The following COL24A1 variants were observed in gnomAD, a reference collection of about 807,000 sequenced individuals.
COL24A1 encodes collagen type XXIV alpha 1 chain, also known as collagen alpha-1(XXIV) chain.
COL24A1 carries 224 observed loss-of-function variants against 253.9 expected under a neutral mutation model. That is an observed-to-expected ratio of 0.88 (90% CI 0.79 to 0.99). The LOEUF (loss-of-function observed/expected upper bound fraction) is 0.99. Ranked by LOEUF, COL24A1 falls within the 50% of genes least tolerant of loss-of-function variation. COL24A1 has a pLI of 0.00. For synonymous variants in COL24A1, 685 were observed against 673.7 expected, an observed-to-expected ratio of 1.02 and a Z score of -0.26; for missense variants, 2,131 against 2,068.5, an observed-to-expected ratio of 1.03 and a Z score of -0.59.
chr1:86,078,308 C>A (rs1023357860), intron 7 of COL24A1, among the ~76,000 whole-genome samples: 2 of 152,178 alleles, frequency 1.3e-5, no homozygotes, highest in East Asian at 3.9e-4. Flanking sequence ...TATACCTTTT[C>A]ATAATAAAAG....
chr1:86,101,714 C>A (rs1208517573), intron 5 of COL24A1, among the ~76,000 whole-genome samples: 1 of 152,106 alleles, frequency 6.6e-6, no homozygotes, highest in Non-Finnish European at 1.5e-5. Context: ...TTGAAACAAC[C>A]TTGCATGGCA....
intron 57 of COL24A1, among the ~76,000 whole-genome samples, chr1:85,741,126 A>C (rs1469357278): frequency 6.6e-6 from 1 of 151,132 alleles, no homozygotes; most frequent in East Asian, 1.9e-4. Context: ...CTCAAAAAAA[A>C]AAAAAAGAAA....
At chr1:85,771,778 T>TTTTTTTTATTTA (rs375886924) in intron 53 of COL24A1, among the ~76,000 whole-genome samples, 1 of 146,578 alleles carries the variant, frequency 6.8e-6, no homozygotes, top group African/African-American at 2.5e-5. Context: ...TGCCTGACTT[T>TTTTTTTTATTTA]TTTATTTATT....
intron 45 of COL24A1, among the ~76,000 whole-genome samples, chr1:85,819,334 C>T (rs1673365958): frequency 6.6e-6 from 1 of 152,108 alleles, no homozygotes; most frequent in African/African-American, 2.4e-5. Context: ...TTTCAGTCAT[C>T]TTGAAATACT....
At chr1:85,812,032 T>G (rs574935988) in intron 47 of COL24A1, among the ~76,000 whole-genome samples, 8 of 152,336 alleles carry the variant, frequency 5.3e-5, no homozygotes, top group Admixed American at 5.2e-4. Context: ...ATTTACCATT[T>G]GGAATACAGC....
At position 85,823,707 on chromosome 1, in the gene COL24A1, G is replaced by T. The variant is rs760210285; in HGVS notation, c.3713C>A (p.Ala1238Asp). Residue 1238 changes from alanine (A) to aspartate (D), a missense_variant, in exon 44 of 60, where the codon GCC becomes GAC. Transcript: ENST00000370571. ...GHVGVPGLRG[A>D]TGQQGPPGEP... ...TACTGGGGGTCCTTGTTGTCCAGTG[G>T]CACCTCTTAGTCCTGGTACACCCAC... 2.5e-6 allele frequency: 4 copies of T among 1,613,722 alleles called. No individual in the cohort carries two copies. The highest frequency in any genetic ancestry group is 3.4e-6 in the Non-Finnish European group (4 of 1,179,814).
intron 28 of COL24A1, among the ~76,000 whole-genome samples, chr1:85,901,846 A>AAAAAGAACTACC (rs1684343000): frequency 1.3e-5 from 2 of 150,786 alleles, no homozygotes; most frequent in Non-Finnish European, 3.0e-5. Flanking sequence ...AAAAAAAAAA[A>AAAAAGAACTACC]AAAGAACTAC....
intron 3 of COL24A1, among the ~76,000 whole-genome samples, chr1:86,118,911 G>C (rs559699864): frequency 6.6e-6 from 1 of 152,214 alleles, no homozygotes; most frequent in East Asian, 1.9e-4. Context: ...ATAGAGCAAG[G>C]GGAAAAGTGG....
intron 20 of COL24A1, among the ~76,000 whole-genome samples, chr1:85,977,710 C>G (rs538707039): frequency 3.9e-5 from 6 of 152,222 alleles, no homozygotes; most frequent in East Asian, 1.9e-4. Flanking sequence ...AGAAGAAAGC[C>G]TCCACAAATT....
intron 19 of COL24A1, among the ~76,000 whole-genome samples, chr1:86,006,046 T>A (rs1156666048): frequency 6.6e-6 from 1 of 152,172 alleles, no homozygotes; most frequent in Non-Finnish European, 1.5e-5. Flanking sequence ...TGAGGAAAAC[T>A]ATAAAATTAT....
intron 24 of COL24A1, among the ~76,000 whole-genome samples, chr1:85,947,670 G>C (rs1330501588): frequency 2.6e-5 from 4 of 152,150 alleles, no homozygotes; most frequent in Non-Finnish European, 5.9e-5. Flanking sequence ...GTAACTGATT[G>C]AACTTCAAGT....
At chr1:85,953,141 G>A (rs771718344) in intron 24 of COL24A1, among the ~76,000 whole-genome samples, 39 of 152,016 alleles carry the variant, frequency 2.6e-4, no homozygotes, top group Non-Finnish European at 5.1e-4. Flanking sequence ...TTACTGATTT[G>A]TAAATAAAAA....
At chr1:86,099,625 A>T (rs888993470) in intron 5 of COL24A1, among the ~76,000 whole-genome samples, 8 of 152,140 alleles carry the variant, frequency 5.3e-5, no homozygotes, top group Non-Finnish European at 1.5e-5. Context: ...TCTCTTTCAC[A>T]CTATATATGT....
intron 47 of COL24A1, among the ~76,000 whole-genome samples, chr1:85,815,282 C>A (rs1331143770): frequency 6.6e-6 from 1 of 152,178 alleles, no homozygotes; most frequent in Non-Finnish European, 1.5e-5. Flanking sequence ...CATTATAAGA[C>A]TATCACATGG....
At chr1:85,811,514 C>T (rs1446513637) in intron 47 of COL24A1, among the ~76,000 whole-genome samples, 1 of 152,108 alleles carries the variant, frequency 6.6e-6, no homozygotes, top group Non-Finnish European at 1.5e-5. Context: ...GAGGAACTAC[C>T]ATACTGGTTT....
chr1:86,079,963 T>C (rs1702516696), intron 7 of COL24A1, among the ~76,000 whole-genome samples: 1 of 152,178 alleles, frequency 6.6e-6, no homozygotes, highest in South Asian at 2.1e-4. Flanking sequence ...AAGAGGTATC[T>C]GCACTCCCAT....
chr1:85,970,428 C>A (rs1692040007), intron 21 of COL24A1, among the ~76,000 whole-genome samples, 157 bp from the exon 22 acceptor site: 1 of 152,100 alleles, frequency 6.6e-6, no homozygotes. Flanking sequence ...TCCATCACCC[C>A]ACAACACTTT....
At chr1:86,089,992 G>T (rs563959529) in intron 6 of COL24A1, among the ~76,000 whole-genome samples, 3 of 152,280 alleles carry the variant, frequency 2.0e-5, no homozygotes, top group African/African-American at 7.2e-5. Context: ...CTAGGTTCAC[G>T]TGACGCACAG....
chr1:85,737,108 C>T (rs981296610), intron 58 of COL24A1, among the ~76,000 whole-genome samples: 5 of 151,944 alleles, frequency 3.3e-5, no homozygotes, highest in African/African-American at 1.2e-4. Flanking sequence ...TGTGTGTATG[C>T]ATAAAAACAT....
Sources: allele counts gnomAD v4.1 joint callset (sites outside exome capture counted in the v4.1 genomes callset), GRCh38; gene constraint gnomAD v4.1.1; transcripts MANE v1.5; gene names NCBI Gene and HGNC (gene_info 2026-07-23, HGNC 2026-07-21).